The following LRRTM4 variants were observed in gnomAD, a reference collection of about 807,000 sequenced individuals.
LRRTM4 encodes the protein leucine-rich repeat transmembrane neuronal protein 4.
Under a neutral mutation model 47.6 loss-of-function variants are expected in LRRTM4, and 25 were observed. That is an observed-to-expected ratio of 0.53 (90% confidence interval 0.38 to 0.73). The LOEUF (loss-of-function observed/expected upper bound fraction) is 0.73, where lower values mean the gene tolerates loss of function less well. Among genes scored for constraint, LRRTM4 ranks in the 30% least tolerant of loss-of-function variants. The probability of loss-of-function intolerance (pLI) is 0.00; values close to 1 mark genes in which losing one functional copy is unlikely to be tolerated. For synonymous variants in LRRTM4, 311 were observed against 269.5 expected, an observed-to-expected ratio of 1.15 and a Z score of -1.51; for missense variants, 638 against 713.4, an observed-to-expected ratio of 0.89 and a Z score of 1.20.
intron 3 of LRRTM4, among the ~76,000 whole-genome samples, chr2:76,967,351 C>A (rs1255226970): frequency 6.6e-6 from 1 of 151,498 alleles, no homozygotes; most frequent in Non-Finnish European, 1.5e-5. Context: ...GAGATACTAA[C>A]AACACTATAT....
chr2:77,171,807 G>T (rs1377093388), intron 3 of LRRTM4, among the ~76,000 whole-genome samples: 1 of 151,782 alleles, frequency 6.6e-6, no homozygotes, highest in African/African-American at 2.4e-5. Flanking sequence ...GTCATGAAAG[G>T]CATTGCTCTT....
At chr2:77,263,869 T>C (rs1466525547) in intron 3 of LRRTM4, among the ~76,000 whole-genome samples, 1 of 152,096 alleles carries the variant, frequency 6.6e-6, no homozygotes, top group Non-Finnish European at 1.5e-5. Context: ...CAATTCAAAC[T>C]GAAGTCTCAT....
intron 3 of LRRTM4, among the ~76,000 whole-genome samples, chr2:77,182,289 GA>G (rs1673369632): frequency 6.6e-6 from 1 of 152,108 alleles, no homozygotes; most frequent in Non-Finnish European, 1.5e-5. Context: ...GATGAAGCTG[GA>G]AGCCATCATC....
rs1676739693 is a variant in LRRTM4 at position 76,984,894 on chromosome 2, A to AT, written c.1552-235979dup. Among the ~76,000 whole-genome samples, 3 of 152,202 alleles carry AT rather than the reference A, an allele frequency of 2.0e-5. No homozygotes were observed. In the South Asian group the frequency reaches 6.2e-4, roughly 32 times the overall value. ...ACATAACATACATTTGCACAAGTAG[A>AT]TAGTAGAGGGGAATTTGAAAAAGCA... is the stretch of plus-strand genomic sequence containing the variant. On this transcript the variant is annotated intron_variant, in intron 3 of 3. Transcript: ENST00000409884.
chr2:76,972,192 AG>A (rs1474379410), intron 3 of LRRTM4, among the ~76,000 whole-genome samples: 8 of 152,022 alleles, frequency 5.3e-5, no homozygotes, highest in Non-Finnish European at 1.2e-4. Context: ...GAGAAACTCT[AG>A]TCAAATCTAC....
intron 3 of LRRTM4, among the ~76,000 whole-genome samples, chr2:77,498,385 C>T (rs926913382): frequency 2.0e-5 from 3 of 151,810 alleles, no homozygotes; most frequent in African/African-American, 7.2e-5. Flanking sequence ...GGCTAGTTTC[C>T]TCCTGCACAT....
At chr2:77,362,603 G>A (rs899319920) in intron 3 of LRRTM4, among the ~76,000 whole-genome samples, 1 of 152,164 alleles carries the variant, frequency 6.6e-6, no homozygotes, top group Non-Finnish European at 1.5e-5. Context: ...CCCATGAACA[G>A]TAATCTGGGG....
At chr2:76,816,915 G>GCTTTT in intron 3 of LRRTM4, among the ~76,000 whole-genome samples, 1 of 143,574 alleles carries the variant, frequency 7.0e-6, no homozygotes, top group Non-Finnish European at 1.5e-5. Context: ...AAAATAAATG[G>GCTTTT]CTTTTCATGT....
intron 3 of LRRTM4, among the ~76,000 whole-genome samples, chr2:77,404,711 A>G (rs753722452): frequency 2.0e-5 from 3 of 152,096 alleles, no homozygotes; most frequent in Non-Finnish European, 4.4e-5. Context: ...TTTCAATATC[A>G]TCATAACCCT....
intron 3 of LRRTM4, among the ~76,000 whole-genome samples, chr2:77,234,046 A>C (rs1483086009): frequency 6.6e-6 from 1 of 152,040 alleles, no homozygotes; most frequent in African/African-American, 2.4e-5. Context: ...GCCTCCCAAA[A>C]TACTGGGATT....
intron 3 of LRRTM4, among the ~76,000 whole-genome samples, chr2:76,908,190 T>G (rs9751963): frequency 0.28 from 42,132 of 148,262 alleles, 6,673 homozygotes; most frequent in African/African-American, 0.42. Context: ...TGGTTCAATA[T>G]ACGCAAATCA....
intron 3 of LRRTM4, among the ~76,000 whole-genome samples, chr2:77,277,232 T>A (rs917928582): frequency 6.6e-6 from 1 of 152,052 alleles, no homozygotes; most frequent in South Asian, 2.1e-4. Flanking sequence ...ACAGAGGACA[T>A]AATTTCTGAG....
chr2:77,120,622 A>G (rs1312008187), intron 3 of LRRTM4, among the ~76,000 whole-genome samples: 2 of 151,848 alleles, frequency 1.3e-5, no homozygotes, highest in East Asian at 3.9e-4. Context: ...CATACTTCCT[A>G]ATCAGACTGA....
At chr2:77,090,900 G>C (rs755422053) in intron 3 of LRRTM4, among the ~76,000 whole-genome samples, 21 of 152,184 alleles carry the variant, frequency 1.4e-4, no homozygotes, top group Admixed American at 9.2e-4. Flanking sequence ...CCGAGCTTCA[G>C]GTAACTCTCA....
chr2:77,202,653 CACTGTGCTAT>C (rs1216714675), intron 3 of LRRTM4, among the ~76,000 whole-genome samples: 2 of 151,664 alleles, frequency 1.3e-5, no homozygotes, highest in Non-Finnish European at 2.9e-5. Flanking sequence ...CTTTGTAACT[CACTGTGCTAT>C]ACTAGATGAA....
chr2:77,095,668 C>A (rs1181079629), intron 3 of LRRTM4, among the ~76,000 whole-genome samples: 2 of 151,848 alleles, frequency 1.3e-5, no homozygotes, highest in Non-Finnish European at 2.9e-5. Flanking sequence ...GCCACCACGC[C>A]CGGCTAATTT....
At chr2:77,044,487 C>G (rs1679162233) in intron 3 of LRRTM4, among the ~76,000 whole-genome samples, 1 of 151,470 alleles carries the variant, frequency 6.6e-6, no homozygotes, top group Non-Finnish European at 1.5e-5. Context: ...AGTTGACATT[C>G]AAATGTTTCT....
intron 3 of LRRTM4, among the ~76,000 whole-genome samples, chr2:77,006,156 T>A (rs1183721271): frequency 6.6e-6 from 1 of 152,168 alleles, no homozygotes; most frequent in Non-Finnish European, 1.5e-5. Flanking sequence ...TTCTGAGAAT[T>A]TTTATGTTTT....
At chr2:77,422,183 C>T (rs1674925703) in intron 3 of LRRTM4, among the ~76,000 whole-genome samples, 1 of 152,150 alleles carries the variant, frequency 6.6e-6, no homozygotes, top group Non-Finnish European at 1.5e-5. Flanking sequence ...TTACGCAATG[C>T]GTGACTGTAG....
Sources: gnomAD v4.1 joint callset for allele counts (sites outside exome capture counted in the v4.1 genomes callset) on GRCh38, gnomAD v4.1.1 for gene constraint, MANE v1.5 for transcripts, NCBI Gene and HGNC (gene_info 2026-07-23, HGNC 2026-07-21) for gene names.